The following RCL1 variants were observed in gnomAD, a reference collection of about 807,000 sequenced individuals.
The protein encoded by RCL1 is RNA 3'-terminal phosphate cyclase-like protein.
RCL1 carries 24 observed loss-of-function variants against 42.4 expected under a neutral mutation model. The observed-to-expected ratio is 0.57, with a 90% CI of 0.41 to 0.80. The LOEUF is 0.80. Ranked by LOEUF, RCL1 falls within the 30% of genes least tolerant of loss-of-function variation. RCL1 has a pLI of 0.00. For missense variants in RCL1, 578 were observed against 467.9 expected, an observed-to-expected ratio of 1.24 and a Z score of -2.17; for synonymous variants, 228 against 177.3, an observed-to-expected ratio of 1.29 and a Z score of -2.27.
intron 1 of RCL1, among the ~76,000 whole-genome samples, chr9:4,823,218 A>C (rs889087712): frequency 1.3e-5 from 2 of 152,026 alleles, no homozygotes; most frequent in African/African-American, 4.8e-5. Context: ...TGAGTTCAGA[A>C]GAATAGGTCT....
chr9:4,845,874 G>A (rs942127842), intron 7 of RCL1, among the ~76,000 whole-genome samples: 1 of 152,202 alleles, frequency 6.6e-6, no homozygotes, highest in African/African-American at 2.4e-5. Flanking sequence ...GTATTGTTCT[G>A]TGTATTTCTT....
chr9:4,798,443 C>T (rs776754140), intron 1 of RCL1, among the ~76,000 whole-genome samples: 2 of 152,164 alleles, frequency 1.3e-5, no homozygotes, highest in Non-Finnish European at 2.9e-5. Flanking sequence ...AGTGTCTTCC[C>T]CTGTGAAATT....
chr9:4,825,376 A>G (rs1464559032), intron 2 of RCL1, among the ~76,000 whole-genome samples: 2 of 152,170 alleles, frequency 1.3e-5, no homozygotes, highest in South Asian at 2.1e-4. Flanking sequence ...TTTAGTGAAT[A>G]TATAGTCTTT....
At position 4,834,712 on chromosome 9, in the gene RCL1, G is replaced by A. The variant is rs112787846; in HGVS notation, c.584+447G>A. On this transcript the variant is annotated intron_variant, in intron 5 of 8. Transcript: ENST00000381750. ...TAGACAGTGGTCAATTTTGTCTGGA[G>A]GACCTAGGGAGGCTGGAGTAATCAT... Among the ~76,000 whole-genome samples, 476 of 152,132 alleles carry A rather than the reference G, an allele frequency of 3.1e-3. 2 individuals are homozygous for A. The highest frequency in any genetic ancestry group is 0.014 in the South Asian group (68 of 4,814).
At chr9:4,856,272 G>A (rs1422932901) in intron 8 of RCL1, among the ~76,000 whole-genome samples, 4 of 152,172 alleles carry the variant, frequency 2.6e-5, no homozygotes, top group Non-Finnish European at 5.9e-5. Context: ...AAATTTAATT[G>A]GTTAGTAAGA....
rs78624754 is a variant in RCL1, at chr9:4,794,018, C to T, written c.136+791C>T. ...GGTTTTCAACTGGCCTTGGTTTACACCTGGCCCCCTGGCATGAGATACATG... is the reference window on the plus strand; with the variant it reads ...GGTTTTCAACTGGCCTTGGTTTACATCTGGCCCCCTGGCATGAGATACATG... On this transcript the variant is annotated intron_variant, in intron 1 of 8. Coordinates refer to ENST00000381750, the MANE Select transcript of RCL1 (RefSeq NM_005772.5). Among the ~76,000 whole-genome samples the T allele has an allele frequency of 3.2e-3, 495 of 152,334 alleles. 3 individuals carry two copies. The highest frequency in any genetic ancestry group is 7.0e-3 in the Admixed American group (107 of 15,306).
intron 7 of RCL1, among the ~76,000 whole-genome samples, chr9:4,848,751 C>G (rs1216577610): frequency 6.6e-6 from 1 of 152,076 alleles, no homozygotes; most frequent in Non-Finnish European, 1.5e-5. Context: ...AGTTGTACCT[C>G]AGGAGAAAGT....
At chr9:4,858,260 C>G (rs1465797210) in intron 8 of RCL1, among the ~76,000 whole-genome samples, 1 of 152,132 alleles carries the variant, frequency 6.6e-6, no homozygotes, top group Non-Finnish European at 1.5e-5. Flanking sequence ...TGACCTTTAT[C>G]AGATATATGA....
intron 5 of RCL1, 56 bp from the exon 6 acceptor site, chr9:4,841,176 G>C (rs749495021): frequency 1.2e-5 from 20 of 1,605,170 alleles, no homozygotes; most frequent in Non-Finnish European, 1.5e-5. Context: ...CTTTATAACT[G>C]ATTTTTCTCT....
At chr9:4,854,816 G>A (rs748258230) in intron 8 of RCL1, among the ~76,000 whole-genome samples, 3 of 152,138 alleles carry the variant, frequency 2.0e-5, no homozygotes, top group Non-Finnish European at 2.9e-5. Context: ...CAGCACTTTG[G>A]GAGGCCGAGG....
intron 1 of RCL1, chr9:4,804,565 G>C (rs1486224804): frequency 6.6e-6 from 1 of 152,488 alleles, no homozygotes; most frequent in Non-Finnish European, 1.5e-5. Context: ...GGGGTCTCAC[G>C]CTGTTGAAGT....
intron 2 of RCL1, among the ~76,000 whole-genome samples, chr9:4,825,300 A>C (rs1816722119): frequency 6.6e-6 from 1 of 152,172 alleles, no homozygotes; most frequent in Non-Finnish European, 1.5e-5. Flanking sequence ...AAAAGCCTTC[A>C]TTCTGATGAT....
chr9:4,799,059 C>G lies in RCL1; in HGVS notation c.136+5832C>G, dbSNP rs1235645142. ...CCCCTTCCCCCCTCTCTCCCTCCCC[C>G]ATCCCTCTCCCCCTCCTTCTCTCCT... On this transcript the variant is annotated intron_variant, in intron 1 of 8. Transcript: ENST00000381750. Among the ~76,000 whole-genome samples, 11 of 124,526 alleles carry G rather than the reference C, an allele frequency of 8.8e-5. 1 individual carries two copies. Among genetic ancestry groups the G allele is most frequent in the African/African-American group, 3.1e-4 (10 of 32,600 alleles). 81.7% of individuals were successfully genotyped at this position (124,526 alleles called of 152,430 possible). A position where few individuals can be genotyped will look rare whatever the true frequency, so the allele number is the denominator to read the frequency against.
chr9:4,833,789 C>G (rs1459846684), intron 4 of RCL1, among the ~76,000 whole-genome samples: 1 of 152,014 alleles, frequency 6.6e-6, no homozygotes, highest in Non-Finnish European at 1.5e-5. Context: ...TTTGGTAGAT[C>G]CGTTATTTGC....
chr9:4,857,215 C>T (rs752511125), intron 8 of RCL1, among the ~76,000 whole-genome samples: 2 of 152,078 alleles, frequency 1.3e-5, no homozygotes, highest in African/African-American at 4.8e-5. Context: ...TTTTTACTAC[C>T]CCCAGAAAGA....
intron 5 of RCL1, among the ~76,000 whole-genome samples, chr9:4,836,566 G>A (rs7860776): frequency 0.26 from 39,191 of 151,442 alleles, 5,539 homozygotes; most frequent in South Asian, 0.39. Context: ...GTTGGAGGCC[G>A]TAGAGCAAGA....
intron 1 of RCL1, among the ~76,000 whole-genome samples, chr9:4,812,049 T>C (rs970801791): frequency 1.3e-5 from 2 of 152,226 alleles, no homozygotes; most frequent in African/African-American, 4.8e-5. Context: ...GGATTATTTG[T>C]ATTTTTGTGT....
chr9:4,860,200 A>G lies in RCL1; in HGVS notation c.1047A>G (p.Glu349=). The change falls in exon 9 of 9, where the codon GAA becomes GAG. Residue 349 remains glutamate (E), a synonymous_variant. Transcript: ENST00000381750. ...TTGAAACCAAGCCATGTGGTGAAGA[A>G]CTCAAGGGTGGGGATAAAGTGCTGA... ...FKIETKPCGE[E]LKGGDKVLMT... 6.2e-7 allele frequency: 1 copy of G among 1,613,118 alleles called. No homozygotes were observed.
chr9:4,804,025 T>C (rs2130970857), intron 1 of RCL1: 1 of 152,742 alleles, frequency 6.5e-6, no homozygotes, highest in South Asian at 2.1e-4. Context: ...GCTGCCTATG[T>C]AATCCCAAGT....
Sources: allele counts gnomAD v4.1 joint callset (sites outside exome capture counted in the v4.1 genomes callset), GRCh38; gene constraint gnomAD v4.1.1; transcripts MANE v1.5; gene names NCBI Gene and HGNC (gene_info 2026-07-23, HGNC 2026-07-21).